Variants in GABRB1 observed in about 807,000 individuals in gnomAD.
GABRB1 encodes gamma-aminobutyric acid type A receptor subunit beta1, also known as gamma-aminobutyric acid receptor subunit beta-1.
A neutral mutation model predicts 51.6 loss-of-function variants in GABRB1; 17 were observed. That is an observed-to-expected ratio of 0.33 (90% CI 0.23 to 0.49). The LOEUF (loss-of-function observed/expected upper bound fraction) is 0.49. Among genes scored for constraint, GABRB1 ranks in the 20% least tolerant of loss-of-function variants. The pLI is 0.99. For synonymous variants in GABRB1, 247 were observed against 218.9 expected (o/e 1.13, Z -1.14); for missense variants, 410 against 600.6 (o/e 0.68, Z 3.32).
At chr4:47,024,010 A>G (rs1725010469) in intron 1 of GABRB1, among the ~76,000 whole-genome samples, 1 of 151,716 alleles carries the variant, frequency 6.6e-6, no homozygotes, top group Non-Finnish European at 1.5e-5. Context: ...ATTTGTTTCT[A>G]TTATCTAGCT....
Position 47,406,849 on chromosome 4 carries a change from G to T in GABRB1, c.1003G>T (p.Gly335Cys), listed in dbSNP as rs1728589686. ...AFVNYIFFGK[G>C]PQKKGASKQD... ...TGTAAATTACATCTTCTTTGGGAAA[G>T]GCCCTCAGAAAAAGGGAGCTAGCAA... is the stretch of plus-strand genomic sequence containing the variant. Residue 335 changes from glycine to cysteine, a missense_variant, in exon 8 of 9, where the codon GGC (glycine) becomes TGC (cysteine). Gly to Cys is a radical substitution (Grantham distance 159, BLOSUM62 -3). Around this residue, in one of 5 missense-constraint regions of GABRB1, gnomAD observed 181 missense variants for 195.6 expected, o/e 0.93. Coordinates refer to ENST00000295454, the MANE Select transcript of GABRB1 (RefSeq NM_000812.4). The T allele has an allele frequency of 1.2e-6, 2 of 1,613,932 alleles. No homozygotes were observed. The highest frequency in any genetic ancestry group is 1.7e-5 in the Admixed American group (1 of 60,002).
intron 1 of GABRB1, among the ~76,000 whole-genome samples, chr4:47,004,319 C>A (rs1236054002): frequency 1.3e-5 from 2 of 152,092 alleles, no homozygotes; most frequent in East Asian, 3.9e-4. Flanking sequence ...TCTTAAAGTT[C>A]TTTAATTTTT....
intron 4 of GABRB1, among the ~76,000 whole-genome samples, chr4:47,210,467 C>T (rs905919931): frequency 3.3e-5 from 5 of 152,074 alleles, no homozygotes; most frequent in Non-Finnish European, 5.9e-5. Flanking sequence ...GTGTTTGATT[C>T]TGAAGTCTGG....
intron 3 of GABRB1, among the ~76,000 whole-genome samples, chr4:47,146,275 CCT>C (rs1267290146): frequency 1.3e-5 from 2 of 151,946 alleles, no homozygotes; most frequent in East Asian, 1.9e-4. Context: ...ATAATAAATG[CCT>C]CTGTCTTTCT....
rs61411613 is a variant in GABRB1 at position 47,337,508 on chromosome 4, G to A, written c.544+17299G>A. 9.7e-3 allele frequency among the ~76,000 whole-genome samples: 1,477 copies of A among 152,056 alleles called. 28 individuals are homozygous for A. The highest frequency in any genetic ancestry group is 0.034 in the African/African-American group (1,400 of 41,492). On this transcript the variant is annotated intron_variant, in intron 5 of 8. Coordinates refer to ENST00000295454, the MANE Select transcript of GABRB1 (RefSeq NM_000812.4). ...GGGCTAAGAACTGAAGACAGAATAA[G>A]GAATGCATAGATCTGGCCGGACACA...
chr4:47,181,646 G>A (rs1005299571), intron 4 of GABRB1, among the ~76,000 whole-genome samples: 1 of 152,006 alleles, frequency 6.6e-6, no homozygotes, highest in Non-Finnish European at 1.5e-5. Flanking sequence ...GGGCAATAAT[G>A]AGAAATAATT....
chr4:47,344,912 G>A (rs927473828), intron 5 of GABRB1, among the ~76,000 whole-genome samples: 3 of 151,830 alleles, frequency 2.0e-5, no homozygotes, highest in Non-Finnish European at 4.4e-5. Flanking sequence ...TAGTAGAGAC[G>A]GAGTTTCACC....
intron 3 of GABRB1, among the ~76,000 whole-genome samples, chr4:47,145,973 A>G (rs1320935874): frequency 6.6e-6 from 1 of 151,970 alleles, no homozygotes; most frequent in East Asian, 1.9e-4. Context: ...ATTTCTATAC[A>G]AGGTGTCTCT....
At chr4:47,057,037 C>T (rs189798914) in intron 3 of GABRB1, among the ~76,000 whole-genome samples, 96 of 152,084 alleles carry the variant, frequency 6.3e-4, no homozygotes, top group African/African-American at 2.1e-3. Flanking sequence ...CCCTGGGAGA[C>T]GAGGTTGCAG....
At chr4:47,421,652 T>C (rs1202163316) in intron 8 of GABRB1, among the ~76,000 whole-genome samples, 2 of 152,080 alleles carry the variant, frequency 1.3e-5, no homozygotes, top group African/African-American at 4.8e-5. Flanking sequence ...CTTTCAACTC[T>C]CAATTTTTGT....
At chr4:47,226,519 T>A (rs559367590) in intron 4 of GABRB1, among the ~76,000 whole-genome samples, 2 of 152,250 alleles carry the variant, frequency 1.3e-5, no homozygotes, top group East Asian at 3.9e-4. Context: ...CATCCCTGTT[T>A]TATTCTTACT....
rs71195627 is a variant in GABRB1 at position 47,354,980 on chromosome 4, G to GTTTTTT, written c.544+34791_544+34796dup. Among the ~76,000 whole-genome samples, 417 of 44,192 alleles carry GTTTTTT rather than the reference G, an allele frequency of 9.4e-3. 80 individuals are homozygous for GTTTTTT. The highest frequency in any genetic ancestry group is 0.013 in the Non-Finnish European group (298 of 22,608). The allele number at this position is 44,192 out of a possible 152,430, so 29.0% of individuals were successfully genotyped here. On this transcript the variant is annotated intron_variant, in intron 5 of 8. Transcript: ENST00000295454. ...CCTTCCTTTCTTTCTTTCTTCCTTT[G>GTTTTTT]TTTTTTTTTTTTTTTTTTTTTTTTT...
chr4:47,245,662 G>C (rs910426228), intron 4 of GABRB1, among the ~76,000 whole-genome samples: 2 of 151,984 alleles, frequency 1.3e-5, no homozygotes, highest in Non-Finnish European at 2.9e-5. Flanking sequence ...GTAAACCATA[G>C]GGTCTGTAAA....
At chr4:47,125,456 G>T (rs1716078066) in intron 3 of GABRB1, among the ~76,000 whole-genome samples, 2 of 151,334 alleles carry the variant, frequency 1.3e-5, no homozygotes, top group Non-Finnish European at 2.9e-5. Flanking sequence ...CAGTAATAAT[G>T]GGGCATATAT....
chr4:47,343,052 G>A (rs955585657), intron 5 of GABRB1, among the ~76,000 whole-genome samples: 1 of 151,946 alleles, frequency 6.6e-6, no homozygotes, highest in African/African-American at 2.4e-5. Context: ...GTGTCATTAA[G>A]GGCATCTGAG....
At chr4:47,096,055 C>G (rs896641639) in intron 3 of GABRB1, among the ~76,000 whole-genome samples, 1 of 152,110 alleles carries the variant, frequency 6.6e-6, no homozygotes, top group Non-Finnish European at 1.5e-5. Flanking sequence ...TGGAGACGTA[C>G]CTCCATATGC....
chr4:47,001,403 A>C (rs1370599199), intron 1 of GABRB1, among the ~76,000 whole-genome samples: 2 of 152,156 alleles, frequency 1.3e-5, no homozygotes, highest in East Asian at 3.9e-4. Flanking sequence ...TGGCCTCCCA[A>C]AGTGCTGGAA....
intron 3 of GABRB1, among the ~76,000 whole-genome samples, chr4:47,048,206 CA>C (rs1726183532): frequency 6.6e-6 from 1 of 152,102 alleles, no homozygotes; most frequent in Non-Finnish European, 1.5e-5. Flanking sequence ...TTGATTTATT[CA>C]GTCATAACCA....
chr4:47,330,928 A>G (rs1367221366), intron 5 of GABRB1, among the ~76,000 whole-genome samples: 5 of 152,338 alleles, frequency 3.3e-5, no homozygotes, highest in African/African-American at 1.2e-4. Flanking sequence ...CTGCCTGCCA[A>G]ATCATTAGTT....
Sources: allele counts gnomAD v4.1 joint callset (sites outside exome capture counted in the v4.1 genomes callset), GRCh38; gene constraint gnomAD v4.1.1; regional missense constraint gnomAD v4.1.1; transcripts MANE v1.5; gene names NCBI Gene and HGNC (gene_info 2026-07-23, HGNC 2026-07-21).